Variants in UNC13C observed in about 807,000 individuals in gnomAD.
UNC13C encodes unc-13 homolog C, also known as protein unc-13 homolog C.
A neutral mutation model predicts 245.4 loss-of-function variants in UNC13C; 174 were observed. The observed-to-expected ratio is 0.71, with a 90% CI of 0.63 to 0.80. The LOEUF is 0.80. Ranked by LOEUF, UNC13C falls within the 30% of genes least tolerant of loss-of-function variation. UNC13C has a pLI of 0.00. For synonymous variants in UNC13C, 992 were observed against 895.1 expected (o/e 1.11, Z -1.93); for missense variants, 2,829 against 2,602.9 (o/e 1.09, Z -1.89).
At chr15:53,935,200 G>A in the UNC13C span, among the ~76,000 whole-genome samples, 1 of 151,590 alleles carries the variant, frequency 6.6e-6, no homozygotes. Flanking sequence ...TGAGGAGGAA[G>A]GGGCCACCCA....
At chr15:53,884,193 G>A in the UNC13C span, among the ~76,000 whole-genome samples, 4 of 152,174 alleles carry the variant, frequency 2.6e-5, no homozygotes, top group Admixed American at 1.3e-4. Context: ...TCTTTCAAAT[G>A]GGAAACTGTG....
intron 16 of UNC13C, 146 bp from the exon 17 acceptor site, chr15:54,338,215 A>G: frequency 1.1e-6 from 1 of 892,308 alleles, no homozygotes. Context: ...AAATGTTTAC[A>G]CATTTAAAAC....
At chr15:54,049,980 C>G (rs1031212656) in intron 2 of UNC13C, 3 of 215,276 alleles carry the variant, frequency 1.4e-5, no homozygotes, top group African/African-American at 7.1e-5. Context: ...GAAGAGGTTT[C>G]TTTTTGTGAG....
At chr15:54,068,958 A>G (rs1307239983) in intron 2 of UNC13C, among the ~76,000 whole-genome samples, 2 of 152,164 alleles carry the variant, frequency 1.3e-5, no homozygotes, top group African/African-American at 4.8e-5. Flanking sequence ...ATAAGTAGTA[A>G]GTCATATTAA....
intron 26 of UNC13C, among the ~76,000 whole-genome samples, chr15:54,535,138 A>G (rs1895932471): frequency 1.3e-5 from 2 of 152,174 alleles, no homozygotes; most frequent in African/African-American, 4.8e-5. Context: ...TCTCACATGC[A>G]ATGACACCCA....
chr15:54,356,361 GT>G (rs144612246), intron 17 of UNC13C, among the ~76,000 whole-genome samples: 7 of 149,866 alleles, frequency 4.7e-5, no homozygotes, highest in Middle Eastern at 3.4e-3. Flanking sequence ...CTCTAAAAGT[GT>G]TTTTTTTTTC....
intron 17 of UNC13C, among the ~76,000 whole-genome samples, chr15:54,366,161 G>C (rs935429568): frequency 2.6e-4 from 40 of 152,160 alleles, no homozygotes; most frequent in African/African-American, 9.6e-4. Context: ...TATTTCAAAA[G>C]CATCGTTTAT....
chr15:53,908,572 T>TACAA, the UNC13C span, among the ~76,000 whole-genome samples: 73 of 142,940 alleles, frequency 5.1e-4, 5 homozygotes, highest in African/African-American at 1.1e-3. Flanking sequence ...ACCTTGTCTC[T>TACAA]ACAAACAAAC....
chr15:53,920,251 T>C, the UNC13C span, among the ~76,000 whole-genome samples: 1 of 152,178 alleles, frequency 6.6e-6, no homozygotes, highest in East Asian at 1.9e-4. Context: ...CCCTTTCTCT[T>C]GGATTCTTTC....
intron 2 of UNC13C, among the ~76,000 whole-genome samples, chr15:54,081,220 A>AT (rs1898920681): frequency 6.6e-6 from 1 of 151,992 alleles, no homozygotes; most frequent in Non-Finnish European, 1.5e-5. Flanking sequence ...CCTTATGACC[A>AT]TTTTAGAGGT....
At chr15:53,950,052 A>T in the UNC13C span, among the ~76,000 whole-genome samples, 1 of 152,134 alleles carries the variant, frequency 6.6e-6, no homozygotes, top group Non-Finnish European at 1.5e-5. Context: ...CATCTGTGAC[A>T]CTCTTACCTC....
chr15:54,153,892 G>A (rs899705946), intron 4 of UNC13C, among the ~76,000 whole-genome samples: 2 of 151,868 alleles, frequency 1.3e-5, no homozygotes, highest in African/African-American at 2.4e-5. Context: ...CTCAGGAATT[G>A]CCTTTACATA....
At chr15:54,581,662 A>C (rs563188426) in intron 30 of UNC13C, among the ~76,000 whole-genome samples, 2 of 152,354 alleles carry the variant, frequency 1.3e-5, no homozygotes, top group African/African-American at 4.8e-5. Context: ...ACTGGGGATT[A>C]GGACTTCAAC....
chr15:54,221,944 T>C (rs2035239821), intron 4 of UNC13C, among the ~76,000 whole-genome samples: 1 of 152,058 alleles, frequency 6.6e-6, no homozygotes, highest in Admixed American at 6.6e-5. Flanking sequence ...TGGGAATTTT[T>C]GTTTTATTTT....
At chr15:54,318,784 G>A (rs1362161736) in intron 13 of UNC13C, among the ~76,000 whole-genome samples, 1 of 151,652 alleles carries the variant, frequency 6.6e-6, no homozygotes, top group African/African-American at 2.4e-5. Flanking sequence ...ATCTGGTTTT[G>A]CTTCTTTTGC....
chr15:54,307,391 T>C (rs960383441), intron 13 of UNC13C, among the ~76,000 whole-genome samples: 1 of 151,938 alleles, frequency 6.6e-6, no homozygotes, highest in Non-Finnish European at 1.5e-5. Flanking sequence ...GCTCCCCACT[T>C]ATGATCTAAT....
chr15:54,014,400 C>G lies in UNC13C; in HGVS notation c.1497C>G (p.Ser499Arg). Residue 499 changes from serine (S) to arginine (R), a missense_variant, in exon 2 of 33, where the codon AGC (serine) becomes AGG (arginine). Physicochemically the swap from Ser to Arg is moderately radical, Grantham distance 110. Transcript: ENST00000260323. ...CCAAGAATAAAACTGCTAATAGCAGCAGAATTTCAAATAAATCAGATTATG... is the reference window on the plus strand; with the variant it reads ...CCAAGAATAAAACTGCTAATAGCAGGAGAATTTCAAATAAATCAGATTATG... ...ARSKNKTANSSRISNKSDYDK... is the reference protein window; with the variant it reads ...ARSKNKTANSRRISNKSDYDK... 6.2e-7 allele frequency: 1 copy of G among 1,613,784 alleles called. No homozygotes were observed. Among genetic ancestry groups the G allele is most frequent in the African/African-American group, 1.3e-5 (1 of 75,024 alleles).
chr15:53,920,801 G>T, the UNC13C span, among the ~76,000 whole-genome samples: 1 of 149,978 alleles, frequency 6.7e-6, no homozygotes, highest in East Asian at 1.9e-4. Context: ...CCTGAGGGTA[G>T]AACAGTGACC....
At chr15:54,582,434 G>A (rs1348514459) in intron 30 of UNC13C, among the ~76,000 whole-genome samples, 2 of 152,186 alleles carry the variant, frequency 1.3e-5, no homozygotes, top group African/African-American at 2.4e-5. Flanking sequence ...AGAGTAGTCA[G>A]TTCTGCAGCT....
Sources: allele counts gnomAD v4.1 joint callset (sites outside exome capture counted in the v4.1 genomes callset), GRCh38; gene constraint gnomAD v4.1.1; transcripts MANE v1.5; gene names NCBI Gene and HGNC (gene_info 2026-07-23, HGNC 2026-07-21).